Variants in CAAP1 observed in about 807,000 individuals in gnomAD.
CAAP1 encodes the protein caspase activity and apoptosis inhibitor 1, also known as conserved anti-apoptotic protein.
CAAP1 carries 20 observed loss-of-function variants against 34.0 expected under a neutral mutation model. The observed-to-expected ratio is 0.59, with a 90% CI of 0.41 to 0.86. The LOEUF (loss-of-function observed/expected upper bound fraction) is 0.86. CAAP1 is among the 40% of genes least tolerant of loss of function. The pLI is 0.00. For synonymous variants in CAAP1, 213 were observed against 166.7 expected (o/e 1.28, Z -2.14); for missense variants, 538 against 450.5 (o/e 1.19, Z -1.76).
At chr9:26,867,882 A>G (rs1204894748) in intron 4 of CAAP1, among the ~76,000 whole-genome samples, 2 of 152,190 alleles carry the variant, frequency 1.3e-5, no homozygotes, top group Non-Finnish European at 2.9e-5. Flanking sequence ...TTGAGAAAGA[A>G]TCCATAGGCT....
intron 5 of CAAP1, among the ~76,000 whole-genome samples, chr9:26,855,434 C>T (rs979012528): frequency 7.2e-5 from 11 of 151,940 alleles, no homozygotes; most frequent in Admixed American, 1.3e-4. Context: ...TTATCAAAAC[C>T]CACAGAATGT....
chr9:26,848,870 A>C (rs1346999363), intron 5 of CAAP1, among the ~76,000 whole-genome samples: 1 of 152,134 alleles, frequency 6.6e-6, no homozygotes, highest in African/African-American at 2.4e-5. Flanking sequence ...TCCCATATTC[A>C]CAACTATGGC....
chr9:26,882,907 G>A (rs1446854064), intron 4 of CAAP1, among the ~76,000 whole-genome samples: 4 of 152,156 alleles, frequency 2.6e-5, no homozygotes, highest in Non-Finnish European at 5.9e-5. Flanking sequence ...TGCCTCGCTG[G>A]ATTTCAGACT....
intron 4 of CAAP1, among the ~76,000 whole-genome samples, chr9:26,872,553 A>ATATATATATATATATATATATATATAT (rs560375272): frequency 1.4e-5 from 2 of 142,560 alleles, no homozygotes; most frequent in African/African-American, 5.4e-5. Flanking sequence ...ATATACATAT[A>ATATATATATATATATATATATATATAT]ATATATATAT....
intron 4 of CAAP1, among the ~76,000 whole-genome samples, chr9:26,882,671 C>T (rs368304679): frequency 2.4e-4 from 36 of 152,228 alleles, no homozygotes; most frequent in South Asian, 2.1e-3. Context: ...GGCCACCGTC[C>T]CCCAGACCCC....
At chr9:26,853,339 G>A (rs559112358) in intron 5 of CAAP1, among the ~76,000 whole-genome samples, 10 of 152,280 alleles carry the variant, frequency 6.6e-5, no homozygotes, top group Non-Finnish European at 1.3e-4. Flanking sequence ...TTTTTAGGGT[G>A]GGTGGGGAGT....
chr9:26,885,074 C>CA (rs1823698751), intron 3 of CAAP1, among the ~76,000 whole-genome samples, 189 bp from the exon 4 acceptor site: 1 of 116,930 alleles, frequency 8.6e-6, no homozygotes, highest in Non-Finnish European at 1.8e-5. Context: ...TTTCTCATTG[C>CA]TTTTTTTTTT....
At chr9:26,869,427 A>C (rs529056393) in intron 4 of CAAP1, among the ~76,000 whole-genome samples, 1 of 152,208 alleles carries the variant, frequency 6.6e-6, no homozygotes, top group Non-Finnish European at 1.5e-5. Context: ...AAATTCATGG[A>C]ATAGAGTTCC....
chr9:26,872,711 C>T (rs1823310929), intron 4 of CAAP1, among the ~76,000 whole-genome samples: 1 of 151,810 alleles, frequency 6.6e-6, no homozygotes, highest in Non-Finnish European at 1.5e-5. Context: ...CATAAGCCAC[C>T]ATCCCCTAAA....
chr9:26,858,233 T>C (rs1004064123), intron 5 of CAAP1, among the ~76,000 whole-genome samples: 1 of 132,214 alleles, frequency 7.6e-6, no homozygotes, highest in Non-Finnish European at 1.7e-5. Flanking sequence ...GTTAGAGATA[T>C]TAGATTTTGC....
At position 26,857,304 on chromosome 9, in the gene CAAP1, T is replaced by C. The variant is rs377109309; in HGVS notation, c.739+3762A>G. On this transcript the variant is annotated intron_variant, in intron 5 of 5. Transcript: ENST00000333916. ...TAAAAACTATAACTGATGTTTCTTA[T>C]ACAACTACATTCTGAGTGAAATGAA... Among the ~76,000 whole-genome samples, 33 of 152,368 alleles carry C rather than the reference T, an allele frequency of 2.2e-4. No individual in the cohort carries two copies. In the South Asian group the frequency reaches 6.4e-3, roughly 30 times the overall value.
intron 4 of CAAP1, among the ~76,000 whole-genome samples, chr9:26,868,817 G>A (rs952235459): frequency 2.0e-5 from 3 of 152,148 alleles, no homozygotes; most frequent in African/African-American, 7.2e-5. Flanking sequence ...GGTGGACGCA[G>A]TTTTACATTA....
intron 4 of CAAP1, among the ~76,000 whole-genome samples, chr9:26,868,568 T>C (rs543198791): frequency 1.3e-5 from 2 of 152,322 alleles, no homozygotes; most frequent in East Asian, 1.9e-4. Context: ...TAAATATGTG[T>C]TGCTTTAAAC....
chr9:26,868,926 G>T (rs557731388), intron 4 of CAAP1, among the ~76,000 whole-genome samples: 8 of 152,122 alleles, frequency 5.3e-5, no homozygotes, highest in Non-Finnish European at 1.2e-4. Context: ...CGGAACATCC[G>T]GGAAAATCTG....
intron 5 of CAAP1, among the ~76,000 whole-genome samples, chr9:26,847,247 C>T (rs1186312786): frequency 1.1e-4 from 10 of 87,936 alleles, no homozygotes; most frequent in African/African-American, 4.4e-4. Context: ...CGGAGTCTTG[C>T]TCTGTCACCC....
At position 26,847,198 on chromosome 9, in the gene CAAP1, A is replaced by ATTTTTTTTTTTTTTTTTTTT. The variant is rs1171628621; in HGVS notation, c.740-4571_740-4552dup. Among the ~76,000 whole-genome samples the ATTTTTTTTTTTTTTTTTTTT allele has an allele frequency of 3.7e-4, 13 of 34,750 alleles. 4 individuals are homozygous for ATTTTTTTTTTTTTTTTTTTT. Among genetic ancestry groups the ATTTTTTTTTTTTTTTTTTTT allele is most frequent in the African/African-American group, 4.7e-4 (4 of 8,534 alleles). The allele number at this position is 34,750 out of a possible 152,430, so 22.8% of individuals were successfully genotyped here. A position where few individuals can be genotyped will look rare whatever the true frequency, so the allele number is the denominator to read the frequency against. On this transcript the variant is annotated intron_variant, in intron 5 of 5. Transcript: ENST00000333916. The stretch of plus-strand genomic sequence containing the variant: ...TTTTTACTAGTAAGTAAAAAGCAAT[A>ATTTTTTTTTTTTTTTTTTTT]TTTTTTTTTTTTTTTTTTTTTTTTT...
At position 26,860,998 on chromosome 9, in the gene CAAP1, T is replaced by G. The variant is rs1366292651; in HGVS notation, c.739+68A>C. ...ATGGGGTGAGTTAGACACTGAAAAT[T>G]TATTTTTGGTAAAATGCTTCTATTC... On this transcript the variant is annotated intron_variant, in intron 5 of 5. Transcript: ENST00000333916. 4.2e-6 allele frequency: 5 copies of G among 1,185,920 alleles called. No homozygotes were observed. The East Asian group carries it at 9.4e-5, about 22-fold the overall frequency. 73.5% of individuals were successfully genotyped at this position (1,185,920 alleles called of 1,614,324 possible). A position where few individuals can be genotyped will look rare whatever the true frequency, so the allele number is the denominator to read the frequency against.
chr9:26,884,700 G>GA, intron 4 of CAAP1, 110 bp downstream of exon 4: 1 of 836,364 alleles, frequency 1.2e-6, no homozygotes, highest in East Asian at 2.4e-5. Context: ...CTATACCACT[G>GA]AATGATTTTA....
Position 26,880,096 on chromosome 9 carries a change from G to T in CAAP1, c.665+4714C>A, listed in dbSNP as rs1307831227. On this transcript the variant is annotated intron_variant, in intron 4 of 5. Transcript: ENST00000333916. The stretch of plus-strand genomic sequence containing the variant: ...CTACCAATAATAGGAAAAAAATCCG[G>T]GGGGGGGGGGTCTCTTTTAGAGAAT... 86 of 6,436 alleles carry T rather than the reference G, an allele frequency of 0.013. 1 individual carries two copies. The East Asian group carries it at 0.24, about 18-fold the overall frequency. 0.4% of individuals were successfully genotyped at this position (6,436 alleles called of 1,614,324 possible). A position where few individuals can be genotyped will look rare whatever the true frequency, so the allele number is the denominator to read the frequency against.
Sources: allele counts gnomAD v4.1 joint callset (sites outside exome capture counted in the v4.1 genomes callset), GRCh38; gene constraint gnomAD v4.1.1; transcripts MANE v1.5; gene names NCBI Gene and HGNC (gene_info 2026-07-23, HGNC 2026-07-21).